KIF19: variants seen among roughly 807,000 people sequenced by gnomAD.
KIF19 encodes the protein kinesin family member 19.
KIF19 carries 98 observed loss-of-function variants against 106.6 expected under a neutral mutation model. The ratio of observed to expected loss-of-function variants is 0.92; its 90% confidence interval spans 0.78 to 1.09. The LOEUF (loss-of-function observed/expected upper bound fraction) is 1.09, where lower values mean the gene tolerates loss of function less well. Among genes scored for constraint, KIF19 ranks in the 50% least tolerant of loss-of-function variants. KIF19 has a pLI of 0.00. For synonymous variants in KIF19, 516 were observed against 584.2 expected (o/e 0.88, Z 1.68); for missense variants, 1,373 against 1,414.3 (o/e 0.97, Z 0.47).
rs758369858 is a variant in KIF19 at position 74,343,162 on chromosome 17, T to G, written c.456+2T>G. Reference sequence around the variant, plus strand: ...GAGGTCTCCATGTCCTACCTGGAGGTGAGTCCCCCAGCCTAGGCTCAGATG... The same window carrying G: ...GAGGTCTCCATGTCCTACCTGGAGGGGAGTCCCCCAGCCTAGGCTCAGATG... On this transcript the variant is annotated splice_donor_variant, in intron 5 of 19. Coordinates refer to ENST00000389916, the MANE Select transcript of KIF19 (RefSeq NM_153209.4). LOFTEE classifies it high-confidence loss of function. 3.1e-6 allele frequency: 5 copies of G among 1,611,694 alleles called. No homozygotes were observed. The African/African-American group carries it at 6.7e-5, about 22-fold the overall frequency.
chr17:74,348,896 A>T (rs1470896185), intron 9 of KIF19: 2 of 451,982 alleles, frequency 4.4e-6, no homozygotes, highest in Non-Finnish European at 8.0e-6. Flanking sequence ...CTGGAGTGGG[A>T]TGTTCATGCA....
At chr17:74,353,936 C>T (rs1299522964) in intron 17 of KIF19, among the ~76,000 whole-genome samples, 1 of 152,180 alleles carries the variant, frequency 6.6e-6, no homozygotes, top group Non-Finnish European at 1.5e-5. Context: ...GAGCCCATTT[C>T]CTCAATTAAT....
chr17:74,347,463 G>A (rs1241720470), intron 8 of KIF19, among the ~76,000 whole-genome samples: 2 of 151,982 alleles, frequency 1.3e-5, no homozygotes, highest in East Asian at 3.9e-4. Context: ...CTTGGACCTG[G>A]GAGGTGGAGG....
intron 12 of KIF19, 95 bp from the exon 13 acceptor site, chr17:74,351,772 G>A: frequency 7.7e-7 from 1 of 1,305,836 alleles, no homozygotes; most frequent in Non-Finnish European, 9.9e-7. Context: ...CCAGACAGAT[G>A]CCTGGAGTCC....
In KIF19 at chr17:74,344,208, C is replaced by G. The variant is rs760320166; in HGVS notation, c.457-15C>G. 8.7e-6 allele frequency: 14 copies of G among 1,609,062 alleles called. No homozygotes were observed. The East Asian group carries it at 2.5e-4, about 28-fold the overall frequency. On this transcript the variant is annotated splice_polypyrimidine_tract_variant and intron_variant, in intron 5 of 19. Coordinates refer to ENST00000389916, the MANE Select transcript of KIF19 (RefSeq NM_153209.4). Reference sequence around the variant, plus strand: ...AGTCTCCCTTCCCCCACCCCTCCCCCACCTGTCCCGTCAGATCTACAATGA... The same window carrying G: ...AGTCTCCCTTCCCCCACCCCTCCCCGACCTGTCCCGTCAGATCTACAATGA...
chr17:74,349,012 A>C, intron 9 of KIF19, 172 bp from the exon 10 acceptor site: 1 of 632,936 alleles, frequency 1.6e-6, no homozygotes, highest in Non-Finnish European at 2.7e-6. Flanking sequence ...CTGAAGGTTG[A>C]TGAGATCTAG....
At chr17:74,328,075 G>A (rs943955429) in intron 1 of KIF19, among the ~76,000 whole-genome samples, 3 of 152,174 alleles carry the variant, frequency 2.0e-5, no homozygotes, top group South Asian at 2.1e-4. Context: ...TCTGCAGCAC[G>A]TCATTCGCGG....
chr17:74,343,296 C>T (rs1250072052), intron 5 of KIF19, 136 bp downstream of exon 5: 4 of 905,618 alleles, frequency 4.4e-6, no homozygotes, highest in Non-Finnish European at 6.6e-6. Context: ...ACATCGCAGG[C>T]TCATCAGAGA....
At chr17:74,333,291 G>A (rs1225143150) in intron 2 of KIF19, among the ~76,000 whole-genome samples, 1 of 151,702 alleles carries the variant, frequency 6.6e-6, no homozygotes, top group Non-Finnish European at 1.5e-5. Context: ...AGCCACTAAA[G>A]TACTATCCAT....
intron 9 of KIF19, 57 bp downstream of exon 9, chr17:74,347,956 C>G (rs1567914490): frequency 3.3e-6 from 5 of 1,537,518 alleles, no homozygotes; most frequent in Non-Finnish European, 4.4e-6. Context: ...GATTCAAGCC[C>G]CCGGGCTGAT....
rs764831512 is a variant in KIF19 at position 74,347,817 on chromosome 17, A to C, written c.965A>C (p.His322Pro). The part of the protein sequence containing the change: ...GGNSRTVMIA[H>P]ISPASSAFEE... Reference sequence around the variant, plus strand: ...AACAGCCGCACAGTGATGATCGCTCACATCAGTCCTGCGAGCAGTGCCTTC... The same window carrying C: ...AACAGCCGCACAGTGATGATCGCTCCCATCAGTCCTGCGAGCAGTGCCTTC... The change falls in exon 9 of 20, where the codon CAC becomes CCC. Residue 322 changes from histidine to proline, a missense_variant. Transcript: ENST00000389916. 7 of 1,588,662 alleles carry C rather than the reference A, an allele frequency of 4.4e-6. No homozygotes were observed. The South Asian group carries it at 8.1e-5, about 18-fold the overall frequency.
intron 2 of KIF19, among the ~76,000 whole-genome samples, chr17:74,332,210 T>TGTGTG (rs1567897631): frequency 8.2e-4 from 89 of 108,830 alleles, no homozygotes; most frequent in South Asian, 1.6e-3. Flanking sequence ...GTGTGTGTGT[T>TGTGTG]TGTGTGTGTG....
chr17:74,342,508 T>A, intron 3 of KIF19, 122 bp from the exon 4 acceptor site: 1 of 629,738 alleles, frequency 1.6e-6, no homozygotes, highest in East Asian at 3.4e-5. Flanking sequence ...CCACCCCCAC[T>A]TATCTTGGGG....
At position 74,343,153 on chromosome 17, in the gene KIF19, AC is replaced by A; in HGVS notation, c.451del (p.Leu151TrpfsTer7). ...ATGGAGTATGAGGTCTCCATGTCCT[AC>A]CTGGAGGTGAGTCCCCCAGCCTAGG... ...NDMEYEVSMSYLEIYNEMIRD... is the reference protein window; with the variant it reads ...NDMEYEVSMSXLEIYNEMIRD... On this transcript the variant is annotated frameshift_variant, in exon 5 of 20. Coordinates refer to ENST00000389916, the MANE Select transcript of KIF19 (RefSeq NM_153209.4). LOFTEE classifies it high-confidence loss of function. The A allele has an allele frequency of 1.9e-6, 3 of 1,612,322 alleles. No individual in the cohort carries two copies. Among genetic ancestry groups the A allele is most frequent in the Non-Finnish European group, 2.5e-6 (3 of 1,179,660 alleles).
At chr17:74,349,637 A>G (rs1567916737) in intron 10 of KIF19, among the ~76,000 whole-genome samples, 2 of 152,220 alleles carry the variant, frequency 1.3e-5, no homozygotes, top group African/African-American at 4.8e-5. Context: ...CGCAGGGCGC[A>G]CACTAAGGGC....
intron 2 of KIF19, among the ~76,000 whole-genome samples, chr17:74,335,897 A>G (rs57005408): frequency 0.011 from 1,681 of 152,332 alleles, 34 homozygotes; most frequent in African/African-American, 0.038. Context: ...TCAGCTCCCT[A>G]TGGCAGGTGA....
chr17:74,349,148 ACTGCATCCCCTCCG>A (rs2054616128), intron 9 of KIF19, 22 bp from the exon 10 acceptor site: 1 of 1,611,934 alleles, frequency 6.2e-7, no homozygotes, highest in African/African-American at 1.3e-5. Context: ...ACCTGGGGTG[ACTGCATCCCCTCCG>A]CTCCATACGT....
At chr17:74,340,387 A>G (rs909721835) in intron 2 of KIF19, among the ~76,000 whole-genome samples, 4 of 152,154 alleles carry the variant, frequency 2.6e-5, no homozygotes, top group Admixed American at 6.5e-5. Flanking sequence ...AGAGCTCGGG[A>G]CAAGGCTGAG....
At position 74,351,927 on chromosome 17, in the gene KIF19, C is replaced by T; in HGVS notation, c.1648C>T (p.Leu550=). 6.9e-7 allele frequency: 1 copy of T among 1,451,178 alleles called. No homozygotes were observed. 89.9% of individuals were successfully genotyped at this position (1,451,178 alleles called of 1,614,324 possible). Residue 550 remains leucine (L), a synonymous_variant, in exon 13 of 20, where the codon CTG becomes TTG. Coordinates refer to ENST00000389916, the MANE Select transcript of KIF19 (RefSeq NM_153209.4). ...RARGRRLEET[L]PRRIGSEEQR... ...GCGGGGCCGGCGCCTGGAGGAGACGCTGCCGCGGCGCATCGGCTCCGAGGA... is the reference window on the plus strand; with the variant it reads ...GCGGGGCCGGCGCCTGGAGGAGACGTTGCCGCGGCGCATCGGCTCCGAGGA...
Sources: allele counts gnomAD v4.1 joint callset (sites outside exome capture counted in the v4.1 genomes callset), GRCh38; gene constraint gnomAD v4.1.1; transcripts MANE v1.5; gene names NCBI Gene and HGNC (gene_info 2026-07-23, HGNC 2026-07-21).